The following LUZP2 variants were observed in gnomAD, a reference collection of about 807,000 sequenced individuals.
The protein encoded by LUZP2 is leucine zipper protein 2.
A neutral mutation model predicts 51.6 loss-of-function variants in LUZP2; 52 were observed. The ratio of observed to expected loss-of-function variants is 1.01; its 90% confidence interval spans 0.81 to 1.27. The LOEUF is 1.27. LUZP2 is among the 50% of genes most tolerant of loss of function. The pLI is 0.00. For missense variants in LUZP2, 436 were observed against 395.4 expected (o/e 1.10, Z -0.87); for synonymous variants, 154 against 137.3 (o/e 1.12, Z -0.85).
chr11:24,957,885 C>G (rs1855256792), intron 7 of LUZP2, among the ~76,000 whole-genome samples: 1 of 152,146 alleles, frequency 6.6e-6, no homozygotes, highest in Non-Finnish European at 1.5e-5. Context: ...CGTATATCTC[C>G]CAATGCTATC....
intron 5 of LUZP2, among the ~76,000 whole-genome samples, chr11:24,862,716 A>T (rs946734372): frequency 6.6e-6 from 1 of 152,172 alleles, no homozygotes; most frequent in Non-Finnish European, 1.5e-5. Context: ...AGAAAAATAA[A>T]CTGGACTTCA....
chr11:24,934,541 A>C (rs1488610563), intron 7 of LUZP2, among the ~76,000 whole-genome samples: 1 of 152,152 alleles, frequency 6.6e-6, no homozygotes, highest in Non-Finnish European at 1.5e-5. Flanking sequence ...AACATACTTA[A>C]ATTTTACCTT....
At chr11:24,622,129 T>A (rs79836844) in intron 1 of LUZP2, among the ~76,000 whole-genome samples, 35,404 of 151,320 alleles carry the variant, frequency 0.23, 4,412 homozygotes, top group East Asian at 0.32. Flanking sequence ...CTTTTTTTTT[T>A]AATGTTATTA....
chr11:24,919,596 A>G (rs894967270), intron 7 of LUZP2, among the ~76,000 whole-genome samples: 1 of 145,958 alleles, frequency 6.9e-6, no homozygotes, highest in Admixed American at 7.0e-5. Flanking sequence ...GATAGCTTTT[A>G]ATTTTATGTA....
At chr11:24,802,259 T>C (rs1254314856) in intron 5 of LUZP2, among the ~76,000 whole-genome samples, 2 of 152,092 alleles carry the variant, frequency 1.3e-5, no homozygotes, top group African/African-American at 4.8e-5. Context: ...AGTTTGCTTG[T>C]TCTCATTGCT....
chr11:24,662,746 C>A (rs1018956709), intron 1 of LUZP2, among the ~76,000 whole-genome samples: 1 of 151,972 alleles, frequency 6.6e-6, no homozygotes, highest in Non-Finnish European at 1.5e-5. Flanking sequence ...AAATCTTAAA[C>A]ATTTCTGGGA....
intron 1 of LUZP2, among the ~76,000 whole-genome samples, chr11:24,569,202 G>A (rs976503572): frequency 1.3e-5 from 2 of 151,976 alleles, no homozygotes; most frequent in African/African-American, 4.8e-5. Flanking sequence ...AAGGAAATCT[G>A]CATTTGTATC....
rs905658987 is a variant in LUZP2 at position 24,845,601 on chromosome 11, C to T, written c.397-60390C>T. On this transcript the variant is annotated intron_variant, in intron 5 of 11. Transcript: ENST00000336930. ...AAATTTCATATTGAATTGTAACTCC[C>T]ACAATTCCCATGTGTCAAGGAAGGA... is the stretch of plus-strand genomic sequence containing the variant. Among the ~76,000 whole-genome samples, 4 of 152,136 alleles carry T rather than the reference C, an allele frequency of 2.6e-5. No individual in the cohort carries two copies. In the East Asian group the frequency reaches 7.7e-4, roughly 29 times the overall value.
At chr11:24,996,763 TC>T (rs1856515558) in intron 9 of LUZP2, among the ~76,000 whole-genome samples, 1 of 151,856 alleles carries the variant, frequency 6.6e-6, no homozygotes, top group African/African-American at 2.4e-5. Context: ...AAGCTATCCC[TC>T]CCCCTCTCCC....
intron 9 of LUZP2, among the ~76,000 whole-genome samples, chr11:24,989,442 ATTAT>A (rs1208965791): frequency 6.6e-6 from 1 of 152,038 alleles, no homozygotes; most frequent in Non-Finnish European, 1.5e-5. Context: ...GGATATCTTC[ATTAT>A]TTATTTTGTT....
chr11:24,852,243 A>G (rs777419140), intron 5 of LUZP2, among the ~76,000 whole-genome samples: 4 of 152,176 alleles, frequency 2.6e-5, no homozygotes, highest in Non-Finnish European at 5.9e-5. Context: ...GTGGGCATTT[A>G]GTGATATAAA....
chr11:24,974,282 C>A (rs1339423653), intron 7 of LUZP2, among the ~76,000 whole-genome samples: 1 of 151,816 alleles, frequency 6.6e-6, no homozygotes, highest in Non-Finnish European at 1.5e-5. Flanking sequence ...TTTTCATTTG[C>A]TTGGTAAATT....
chr11:24,601,972 GTATATGTATA>G (rs1853672721), intron 1 of LUZP2, among the ~76,000 whole-genome samples: 1 of 110,168 alleles, frequency 9.1e-6, no homozygotes, highest in African/African-American at 4.3e-5. Context: ...GTATATATGT[GTATATGTATA>G]TATATGTGTA....
chr11:24,965,726 A>G (rs1047820569), intron 7 of LUZP2, among the ~76,000 whole-genome samples: 6 of 151,844 alleles, frequency 4.0e-5, no homozygotes, highest in South Asian at 2.1e-4. Context: ...AGAAGGAACA[A>G]TATGAAATGT....
intron 1 of LUZP2, among the ~76,000 whole-genome samples, chr11:24,657,456 C>T (rs1377852197): frequency 6.6e-6 from 1 of 152,154 alleles, no homozygotes; most frequent in African/African-American, 2.4e-5. Context: ...CTATGACAAA[C>T]TCACAGCCAA....
chr11:24,698,113 A>G lies in LUZP2; in HGVS notation c.63-31056A>G, dbSNP rs149213009. On this transcript the variant is annotated intron_variant, in intron 1 of 11. Transcript: ENST00000336930. ...TTTGAGAAATATCTCCTGTCATTCCACTTGGCTGTCTTGTGATAATTAAAC... is the reference window on the plus strand; with the variant it reads ...TTTGAGAAATATCTCCTGTCATTCCGCTTGGCTGTCTTGTGATAATTAAAC... 2.0e-5 allele frequency among the ~76,000 whole-genome samples: 3 copies of G among 152,286 alleles called. No homozygotes were observed. In the East Asian group the frequency reaches 5.8e-4, roughly 29 times the overall value.
chr11:24,500,001 A>G (rs1212193834), intron 1 of LUZP2, among the ~76,000 whole-genome samples: 2 of 152,180 alleles, frequency 1.3e-5, no homozygotes, highest in Non-Finnish European at 1.5e-5. Context: ...AATAGAAAAC[A>G]ATCCTGCCTT....
intron 1 of LUZP2, among the ~76,000 whole-genome samples, chr11:24,581,349 C>T (rs1029250950): frequency 1.3e-5 from 2 of 152,086 alleles, no homozygotes; most frequent in Non-Finnish European, 2.9e-5. Flanking sequence ...AACAGGTATA[C>T]TAATAATCTA....
chr11:24,628,849 T>G (rs953699), intron 1 of LUZP2, among the ~76,000 whole-genome samples: 63,557 of 151,892 alleles, frequency 0.42, 13,343 homozygotes, highest in Middle Eastern at 0.48. Context: ...ATGAGGCCTC[T>G]TGCCCGGCCT....
Sources: gnomAD v4.1 joint callset for allele counts (sites outside exome capture counted in the v4.1 genomes callset) on GRCh38, gnomAD v4.1.1 for gene constraint, MANE v1.5 for transcripts, NCBI Gene and HGNC (gene_info 2026-07-23, HGNC 2026-07-21) for gene names.